Variants in BCR observed in about 807,000 individuals in gnomAD.
The protein encoded by BCR is BCR activator of RhoGEF and GTPase.
Under a neutral mutation model 138.6 loss-of-function variants are expected in BCR, and 58 were observed. That is an observed-to-expected ratio of 0.42 (90% confidence interval 0.34 to 0.52). The LOEUF (loss-of-function observed/expected upper bound fraction) is 0.52, where lower values mean the gene tolerates loss of function less well. Ranked by LOEUF, BCR falls within the 20% of genes least tolerant of loss-of-function variation. The probability of loss-of-function intolerance (pLI) is 0.06; values close to 1 mark genes in which losing one functional copy is unlikely to be tolerated. For missense variants in BCR, 1,599 were observed against 1,727.2 expected (o/e 0.93, Z 1.32); for synonymous variants, 786 against 730.1 (o/e 1.08, Z -1.23).
intron 7 of BCR, 101 bp from the exon 8 acceptor site, chr22:23,273,533 G>A (rs917250711): frequency 1.1e-5 from 17 of 1,505,004 alleles, no homozygotes; most frequent in East Asian, 6.8e-5. Flanking sequence ...TGAGGGAGCC[G>A]GCGCTCTGGG....
At chr22:23,213,723 A>G (rs1207620377) in intron 1 of BCR, among the ~76,000 whole-genome samples, 2 of 152,032 alleles carry the variant, frequency 1.3e-5, no homozygotes, top group Non-Finnish European at 2.9e-5. Context: ...CTAGCTACTC[A>G]GGAGGCTGAG....
intron 4 of BCR, among the ~76,000 whole-genome samples, chr22:23,267,173 G>A (rs1350969023): frequency 6.6e-6 from 1 of 152,142 alleles, no homozygotes; most frequent in Non-Finnish European, 1.5e-5. Flanking sequence ...CCTAAAGCAG[G>A]CCCTTGGCTG....
chr22:23,180,592 A>AGCAG lies in BCR; in HGVS notation c.-369_-368insGCAG, dbSNP rs373742833. On this transcript the variant is annotated 5_prime_UTR_variant, in exon 1 of 23. Transcript: ENST00000305877. ...AGGAGGCGGCGGCGGCGGCGGCGGC[A>AGCAG]CGGCGGCGGCGGGGCTGTGGGGCGG... The AGCAG allele has an allele frequency of 1.1e-5, 2 of 182,142 alleles. No individual in the cohort carries two copies. The highest frequency in any genetic ancestry group is 6.5e-5 in the Admixed American group (1 of 15,326). 11.3% of individuals were successfully genotyped at this position (182,142 alleles called of 1,614,324 possible). A position where few individuals can be genotyped will look rare whatever the true frequency, so the allele number is the denominator to read the frequency against.
chr22:23,251,197 T>C (rs901279949), intron 1 of BCR: 11 of 152,260 alleles, frequency 7.2e-5, no homozygotes, highest in African/African-American at 2.7e-4. Flanking sequence ...GGCCCGGACT[T>C]TGCAGCCAGT....
intron 5 of BCR, among the ~76,000 whole-genome samples, chr22:23,270,066 C>A (rs749932538): frequency 6.6e-6 from 1 of 151,874 alleles, no homozygotes; most frequent in Non-Finnish European, 1.5e-5. Flanking sequence ...CTCTGTGTTT[C>A]AAAAAAGACC....
intron 22 of BCR, among the ~76,000 whole-genome samples, chr22:23,314,923 A>G (rs552118679): frequency 2.0e-4 from 30 of 152,364 alleles, no homozygotes; most frequent in South Asian, 1.0e-3. Context: ...CTTTGCTGGA[A>G]GCTTAAAACT....
intron 15 of BCR, among the ~76,000 whole-genome samples, chr22:23,294,119 G>A (rs1363691613): frequency 6.6e-6 from 1 of 152,142 alleles, no homozygotes; most frequent in Non-Finnish European, 1.5e-5. Flanking sequence ...GCAAAATGGA[G>A]CAGAAAGAAC....
At chr22:23,265,757 C>T (rs1051986963) in intron 4 of BCR, among the ~76,000 whole-genome samples, 7 of 152,222 alleles carry the variant, frequency 4.6e-5, no homozygotes, top group Admixed American at 4.6e-4. Flanking sequence ...TTTCTGTGCA[C>T]ACGCAAACGC....
At chr22:23,292,889 A>G (rs535743147) in intron 15 of BCR, among the ~76,000 whole-genome samples, 19 of 152,242 alleles carry the variant, frequency 1.2e-4, no homozygotes, top group Non-Finnish European at 2.5e-4. Flanking sequence ...GTTTGGAAAG[A>G]GACTTAAAAA....
chr22:23,290,392 A>T lies in BCR; in HGVS notation c.2761A>T (p.Thr921Ser). 1 of 1,614,104 alleles carries T rather than the reference A, an allele frequency of 6.2e-7. No individual in the cohort carries two copies. The highest frequency in any genetic ancestry group is 8.5e-7 in the Non-Finnish European group (1 of 1,179,966). The change falls in exon 14 of 23, where the codon ACT becomes TCT. Residue 921 changes from threonine to serine, a missense_variant. By Grantham distance (58) the Thr-to-Ser change is moderately conservative. Coordinates refer to ENST00000305877, the MANE Select transcript of BCR (RefSeq NM_004327.4). ...TCTGAATGTCATCGTCCACTCAGCC[A>T]CTGGATTTAAGCAGAGTTCAAGTAA... is the stretch of plus-strand genomic sequence containing the variant. The part of the protein sequence containing the change: ...GFLNVIVHSA[T>S]GFKQSSNLYC...
In BCR at chr22:23,295,116, C is replaced by T. The variant is rs138199372; in HGVS notation, c.2973C>T (p.Gly991=). The T allele has an allele frequency of 3.7e-6, 6 of 1,614,120 alleles. No homozygotes were observed. The highest frequency in any genetic ancestry group is 1.3e-5 in the African/African-American group (1 of 75,040). ...AGACGAAGATCCCCAAGGAGGACGG[C>T]GAGAGCACGGACAGACTCATGGGGA... ...YNKTKIPKED[G]ESTDRLMGKG... The change falls in exon 16 of 23, where the codon GGC becomes GGT. Residue 991 remains glycine (G), a synonymous_variant. Transcript: ENST00000305877.
In BCR at chr22:23,180,945, T is replaced by C. The variant is rs1601979630; in HGVS notation, c.-16T>C. 8.0e-7 allele frequency: 1 copy of C among 1,255,330 alleles called. No individual in the cohort carries two copies. Among genetic ancestry groups the C allele is most frequent in the African/African-American group, 1.6e-5 (1 of 64,124 alleles). The allele number at this position is 1,255,330 out of a possible 1,614,324, so 77.8% of individuals were successfully genotyped here. A position where few individuals can be genotyped will look rare whatever the true frequency, so the allele number is the denominator to read the frequency against. Reference sequence around the variant, plus strand: ...CCCGCGCGCAGCCCGGCGGCGCAGGTAAGGCCGGCCGCGCCATGGTGGACC... The same window carrying C: ...CCCGCGCGCAGCCCGGCGGCGCAGGCAAGGCCGGCCGCGCCATGGTGGACC... On this transcript the variant is annotated 5_prime_UTR_variant, in exon 1 of 23. An upstream open reading frame in the 5' UTR loses its in-frame stop. Transcript: ENST00000305877.
intron 2 of BCR, among the ~76,000 whole-genome samples, chr22:23,255,417 C>G (rs2073282032): frequency 6.6e-6 from 1 of 152,174 alleles, no homozygotes; most frequent in Non-Finnish European, 1.5e-5. Context: ...GGTTTGAAGC[C>G]TTCCTGATTC....
rs143014215 is a variant in BCR, at chr22:23,202,622, T to C, written c.1279+20383T>C. The stretch of plus-strand genomic sequence containing the variant: ...TAAGTGGAATCATGCAGTATTTGTC[T>C]TTTTGTGACTTATTTCACATCATGT... On this transcript the variant is annotated intron_variant, in intron 1 of 22. Transcript: ENST00000305877. Among the ~76,000 whole-genome samples, 699 of 152,296 alleles carry C rather than the reference T, an allele frequency of 4.6e-3. 5 individuals are homozygous for C. Among genetic ancestry groups the C allele is most frequent in the African/African-American group, 0.016 (665 of 41,548 alleles).
intron 1 of BCR, among the ~76,000 whole-genome samples, chr22:23,213,131 C>A (rs1238159650): frequency 6.6e-6 from 1 of 152,182 alleles, no homozygotes; most frequent in Non-Finnish European, 1.5e-5. Context: ...TGACTGTCTC[C>A]TTGCTTGTCT....
chr22:23,282,111 G>A (rs1001173579), intron 8 of BCR, among the ~76,000 whole-genome samples: 21 of 152,248 alleles, frequency 1.4e-4, no homozygotes, highest in African/African-American at 5.1e-4. Flanking sequence ...TGGCCGGGAG[G>A]CCCTTTGCTG....
At chr22:23,268,257 G>C (rs1239225910) in intron 4 of BCR, 151 bp from the exon 5 acceptor site, 18 of 581,220 alleles carry the variant, frequency 3.1e-5, no homozygotes, top group Non-Finnish European at 4.4e-5. Flanking sequence ...GCAGGTGGGA[G>C]GGAGCAGCAC....
At chr22:23,218,268 G>T (rs1467319416) in intron 1 of BCR, among the ~76,000 whole-genome samples, 1 of 152,236 alleles carries the variant, frequency 6.6e-6, no homozygotes, top group Non-Finnish European at 1.5e-5. Context: ...TCTGGGGCAT[G>T]TGAGGATTGC....
intron 16 of BCR, among the ~76,000 whole-genome samples, chr22:23,308,868 G>A (rs777611985): frequency 2.0e-5 from 3 of 152,170 alleles, no homozygotes; most frequent in Non-Finnish European, 4.4e-5. Flanking sequence ...GGGTCACAGA[G>A]GGGCTTCCTC....
Sources: gnomAD v4.1 joint callset for allele counts (sites outside exome capture counted in the v4.1 genomes callset) on GRCh38, gnomAD v4.1.1 for gene constraint, MANE v1.5 for transcripts, NCBI Gene and HGNC (gene_info 2026-07-23, HGNC 2026-07-21) for gene names.